The following ADK variants were observed in gnomAD, a reference collection of about 807,000 sequenced individuals.
The protein encoded by ADK is adenosine kinase, also known as N6,N6-dimethyladenosine kinase.
A neutral mutation model predicts 44.7 loss-of-function variants in ADK; 24 were observed. The observed-to-expected ratio is 0.54, with a 90% CI of 0.39 to 0.76. ADK has a LOEUF of 0.76. Ranked by LOEUF, ADK falls within the 30% of genes least tolerant of loss-of-function variation. ADK has a pLI of 0.00. For synonymous variants in ADK, 128 were observed against 142.6 expected (o/e 0.90, Z 0.73); for missense variants, 321 against 425.1 (o/e 0.76, Z 2.15).
intron 1 of ADK, among the ~76,000 whole-genome samples, chr10:74,173,409 A>G (rs758239267): frequency 6.8e-5 from 10 of 146,970 alleles, no homozygotes; most frequent in African/African-American, 2.5e-4. Flanking sequence ...TTTCAAATTG[A>G]AAATTTTTTT....
At chr10:74,351,044 T>C (rs185843311) in intron 4 of ADK, among the ~76,000 whole-genome samples, 70 of 152,180 alleles carry the variant, frequency 4.6e-4, no homozygotes, top group African/African-American at 1.4e-3. Flanking sequence ...TTCCAAACAA[T>C]TGAAAAAGAG....
intron 1 of ADK, among the ~76,000 whole-genome samples, chr10:74,181,343 T>A (rs186956032): frequency 1.3e-5 from 2 of 152,166 alleles, no homozygotes; most frequent in African/African-American, 4.8e-5. Flanking sequence ...AGTTAGTATT[T>A]CATCATTTGT....
intron 3 of ADK, among the ~76,000 whole-genome samples, chr10:74,280,738 C>T (rs146365794): frequency 2.0e-5 from 3 of 152,262 alleles, no homozygotes; most frequent in Non-Finnish European, 2.9e-5. Context: ...ACTCTGCTTT[C>T]CACTGTCCAA....
chr10:74,684,477 T>C (rs745403909), intron 10 of ADK, among the ~76,000 whole-genome samples: 1 of 152,128 alleles, frequency 6.6e-6, no homozygotes, highest in Admixed American at 6.6e-5. Context: ...AAAACAATTA[T>C]AAAATAATTT....
chr10:74,582,297 T>G (rs1374484639), intron 7 of ADK, among the ~76,000 whole-genome samples: 1 of 151,266 alleles, frequency 6.6e-6, no homozygotes, highest in Non-Finnish European at 1.5e-5. Context: ...GGCAACAGAG[T>G]GAGACCCAAT....
At chr10:74,289,180 A>G (rs1384786221) in intron 3 of ADK, among the ~76,000 whole-genome samples, 10 of 152,194 alleles carry the variant, frequency 6.6e-5, no homozygotes, top group Admixed American at 4.6e-4. Context: ...GTCTGTCTAT[A>G]GCTTCTTCTA....
intron 7 of ADK, among the ~76,000 whole-genome samples, chr10:74,527,216 C>T (rs371745486): frequency 6.6e-6 from 1 of 152,046 alleles, no homozygotes; most frequent in African/African-American, 2.4e-5. Flanking sequence ...AAAAAATGAG[C>T]CAGGCGTGGT....
At chr10:74,247,224 GTTTTT>G (rs142274121) in intron 3 of ADK, among the ~76,000 whole-genome samples, 6 of 72,008 alleles carry the variant, frequency 8.3e-5, no homozygotes, top group East Asian at 4.5e-4. Flanking sequence ...TTTTTTTTAA[GTTTTT>G]TTTTTTTTTT....
intron 9 of ADK, among the ~76,000 whole-genome samples, chr10:74,647,570 C>T (rs1273326876): frequency 6.6e-6 from 1 of 152,108 alleles, no homozygotes; most frequent in African/African-American, 2.4e-5. Context: ...AGGGAGCACA[C>T]TTTTCTGAAC....
At chr10:74,394,051 A>C in intron 4 of ADK, 90 bp from the exon 5 acceptor site, 1 of 1,302,814 alleles carries the variant, frequency 7.7e-7, no homozygotes, top group Non-Finnish European at 1.1e-6. Flanking sequence ...CTCACAAAGC[A>C]TTCTTGTCAC....
At chr10:74,546,908 A>G (rs1044430160) in intron 7 of ADK, among the ~76,000 whole-genome samples, 2 of 152,152 alleles carry the variant, frequency 1.3e-5, no homozygotes, top group Admixed American at 1.3e-4. Flanking sequence ...CTCATTGTAG[A>G]GCGTTAAAAA....
intron 7 of ADK, among the ~76,000 whole-genome samples, chr10:74,566,833 CTTTA>C (rs1850686716): frequency 6.6e-6 from 1 of 152,116 alleles, no homozygotes; most frequent in Admixed American, 6.5e-5. Flanking sequence ...TAAAAAGATA[CTTTA>C]CTTTTTATAG....
chr10:74,303,513 C>A (rs921111364), intron 3 of ADK, among the ~76,000 whole-genome samples: 3 of 122,056 alleles, frequency 2.5e-5, no homozygotes, highest in Non-Finnish European at 5.1e-5. Flanking sequence ...TTGTGGTTTT[C>A]TTTATTTGTA....
intron 6 of ADK, among the ~76,000 whole-genome samples, chr10:74,442,674 C>T (rs918908075): frequency 1.5e-4 from 23 of 151,860 alleles, no homozygotes; most frequent in African/African-American, 3.4e-4. Flanking sequence ...ATTAAATAAA[C>T]GGAAATGAAA....
intron 10 of ADK, among the ~76,000 whole-genome samples, chr10:74,692,259 A>T (rs755919551): frequency 2.8e-4 from 42 of 152,226 alleles, no homozygotes; most frequent in Admixed American, 3.9e-4. Flanking sequence ...CGGGCAGATC[A>T]CTTGAGGCCA....
intron 3 of ADK, among the ~76,000 whole-genome samples, chr10:74,311,845 T>C (rs1325069160): frequency 6.6e-6 from 1 of 152,126 alleles, no homozygotes; most frequent in Admixed American, 6.5e-5. Context: ...AGCATAGATA[T>C]AGATAAGTAG....
At chr10:74,548,969 A>AAGTG in intron 7 of ADK, among the ~76,000 whole-genome samples, 1 of 152,230 alleles carries the variant, frequency 6.6e-6, no homozygotes, top group Non-Finnish European at 1.5e-5. Flanking sequence ...ATGATTCATT[A>AAGTG]AGTGACTGTT....
At chr10:74,554,783 TAA>T (rs530734494) in intron 7 of ADK, among the ~76,000 whole-genome samples, 10 of 137,838 alleles carry the variant, frequency 7.3e-5, no homozygotes, top group Non-Finnish European at 6.4e-5. Context: ...TGTCTCTATT[TAA>T]AAAAAAAAAA....
chr10:74,217,688 A>G (rs1443312634), intron 2 of ADK, among the ~76,000 whole-genome samples: 4 of 152,174 alleles, frequency 2.6e-5, no homozygotes, highest in African/African-American at 9.7e-5. Context: ...CAGAGGAACG[A>G]TCAGACAGCA....
Sources: allele counts gnomAD v4.1 joint callset (sites outside exome capture counted in the v4.1 genomes callset), GRCh38; gene constraint gnomAD v4.1.1; transcripts MANE v1.5; gene names NCBI Gene and HGNC (gene_info 2026-07-23, HGNC 2026-07-21).